Variants in PIGG observed in about 807,000 individuals in gnomAD.
PIGG encodes GPI ethanolamine phosphate transferase 2, catalytic subunit.
In PIGG, 70 loss-of-function variants were observed where a neutral mutation model predicts 83.2. The observed-to-expected ratio is 0.84, with a 90% CI of 0.69 to 1.03. The LOEUF is 1.03. Among genes scored for constraint, PIGG ranks in the 50% least tolerant of loss-of-function variants. The pLI, the probability that PIGG is intolerant of heterozygous loss-of-function variation, is 0.00. For missense variants in PIGG, 1,257 were observed against 1,233.6 expected (o/e 1.02, Z -0.28); for synonymous variants, 532 against 519.5 (o/e 1.02, Z -0.33).
rs768580192 is a variant in PIGG, at chr4:530,391, T to C, written c.2262-45T>C. On this transcript the variant is annotated intron_variant, in intron 10 of 12. Coordinates refer to ENST00000453061, the MANE Select transcript of PIGG (RefSeq NM_001127178.3). Reference sequence around the variant, plus strand: ...TTCATGGGAAAATGTTTTTGAATTTTTCTCACTGGTGCTAATGAATCTAAC... The same window carrying C: ...TTCATGGGAAAATGTTTTTGAATTTCTCTCACTGGTGCTAATGAATCTAAC... 1.0e-5 allele frequency: 14 copies of C among 1,354,732 alleles called. No individual in the cohort carries two copies. The South Asian group carries it at 1.6e-4, about 16-fold the overall frequency. 83.9% of individuals were successfully genotyped at this position (1,354,732 alleles called of 1,614,324 possible).
chr4:536,694 G>C (rs144642415), intron 12 of PIGG: 6 of 152,296 alleles, frequency 3.9e-5, no homozygotes, highest in Non-Finnish European at 7.3e-5. Flanking sequence ...GTCCTCGGCC[G>C]TCTGGGGTGG....
At chr4:517,137 C>T (rs149680192) in intron 6 of PIGG, among the ~76,000 whole-genome samples, 3 of 152,270 alleles carry the variant, frequency 2.0e-5, no homozygotes, top group Admixed American at 2.0e-4. Context: ...TGGGGAGCTG[C>T]TGCAGGGTTT....
intron 1 of PIGG, 137 bp downstream of exon 1, chr4:499,626 T>A: frequency 7.0e-7 from 1 of 1,419,704 alleles, no homozygotes; most frequent in Non-Finnish European, 9.2e-7. Flanking sequence ...CCTCAGAAAT[T>A]TTTTTTAACC....
intron 2 of PIGG, among the ~76,000 whole-genome samples, chr4:503,207 C>T (rs1718370244): frequency 6.6e-6 from 1 of 152,140 alleles, no homozygotes; most frequent in Non-Finnish European, 1.5e-5. Context: ...TCTCCACTGC[C>T]ACCACCGTCG....
chr4:524,124 A>G (rs1726897317), intron 9 of PIGG, among the ~76,000 whole-genome samples: 1 of 152,252 alleles, frequency 6.6e-6, no homozygotes, highest in Non-Finnish European at 1.5e-5. Context: ...GGCTAGCCTA[A>G]CAGGTTTCAT....
At chr4:533,614 G>C in intron 11 of PIGG, 1 of 593,076 alleles carries the variant, frequency 1.7e-6, no homozygotes, top group Non-Finnish European at 3.0e-6. Context: ...TGCAGGCAGG[G>C]GGAGGGGGTG....
At chr4:509,231 T>C (rs552987665) in intron 5 of PIGG, among the ~76,000 whole-genome samples, 4 of 152,244 alleles carry the variant, frequency 2.6e-5, no homozygotes, top group East Asian at 3.9e-4. Flanking sequence ...TTGAGAAAAA[T>C]TGCCAGTAGC....
At chr4:505,496 G>A (rs1553878292) in intron 2 of PIGG, among the ~76,000 whole-genome samples, 1 of 149,368 alleles carries the variant, frequency 6.7e-6, no homozygotes, top group African/African-American at 2.5e-5. Flanking sequence ...AGCTGGGTGT[G>A]GTGCCACACA....
intron 5 of PIGG, among the ~76,000 whole-genome samples, 184 bp downstream of exon 5, chr4:509,154 T>G (rs1186253033): frequency 6.6e-6 from 1 of 152,204 alleles, no homozygotes; most frequent in African/African-American, 2.4e-5. Context: ...TCCCGAATCC[T>G]TAAAATACAG....
At chr4:517,332 G>C (rs747466494) in intron 6 of PIGG, among the ~76,000 whole-genome samples, 7 of 152,172 alleles carry the variant, frequency 4.6e-5, no homozygotes, top group Non-Finnish European at 8.8e-5. Context: ...GAAAGATTCT[G>C]AAGGTCATGA....
At chr4:510,179 A>T (rs920589199) in intron 5 of PIGG, among the ~76,000 whole-genome samples, 9 of 152,224 alleles carry the variant, frequency 5.9e-5, no homozygotes, top group African/African-American at 2.2e-4. Flanking sequence ...CTGAAGAGAG[A>T]TTTAGCCACG....
intron 12 of PIGG, 102 bp downstream of exon 12, chr4:534,083 CCAACAGTCTTTT>C: frequency 1.1e-6 from 1 of 951,330 alleles, no homozygotes; most frequent in South Asian, 1.5e-5. Context: ...CTCCATGGGT[CCAACAGTCTTTT>C]CAACAGTTTT....
At chr4:530,936 A>G (rs1728907181) in intron 11 of PIGG, 191 bp downstream of exon 11, 2 of 572,048 alleles carry the variant, frequency 3.5e-6, no homozygotes, top group Non-Finnish European at 6.1e-6. Context: ...CCAGGTGTGG[A>G]TGTGTGGGTG....
At position 522,693 on chromosome 4, in the gene PIGG, GCA is replaced by G. The variant is rs548765359; in HGVS notation, c.1614+755_1614+756del. The G allele has an allele frequency of 4.9e-4, 76 of 155,344 alleles. 1 individual carries two copies. Among genetic ancestry groups the G allele is most frequent in the African/African-American group, 1.8e-3 (76 of 41,550 alleles). 9.6% of individuals were successfully genotyped at this position (155,344 alleles called of 1,614,324 possible). A position where few individuals can be genotyped will look rare whatever the true frequency, so the allele number is the denominator to read the frequency against. On this transcript the variant is annotated intron_variant, in intron 8 of 12. Transcript: ENST00000453061. ...AGACACTCACAGCTTTGTCATCAGG[GCA>G]CAGGCTTCCTCGGAGCCAGGATGAT...
intron 2 of PIGG, among the ~76,000 whole-genome samples, chr4:505,137 G>T (rs530919317): frequency 6.6e-6 from 1 of 152,244 alleles, no homozygotes; most frequent in East Asian, 1.9e-4. Flanking sequence ...TTTGCCGTTT[G>T]CTTCAGCTAC....
At chr4:507,375 G>A in intron 3 of PIGG, 30 bp from the exon 4 acceptor site, 1 of 1,544,446 alleles carries the variant, frequency 6.5e-7, no homozygotes, top group Non-Finnish European at 8.8e-7. Context: ...AATTAGGTGA[G>A]TTGTTTATAC....
At chr4:509,850 CTCTAAGTGTCCCCATTCA>C (rs1488788299) in intron 5 of PIGG, among the ~76,000 whole-genome samples, 1 of 152,216 alleles carries the variant, frequency 6.6e-6, no homozygotes, top group Non-Finnish European at 1.5e-5. Context: ...AGATTGATCT[CTCTAAGTGTCCCCATTCA>C]TCATTCTTGG....
chr4:534,004 G>T, intron 12 of PIGG, 23 bp downstream of exon 12: 1 of 1,610,962 alleles, frequency 6.2e-7, no homozygotes, highest in Non-Finnish European at 8.5e-7. Context: ...TCTGCCGTCA[G>T]CACAGTTCTG....
Position 521,169 on chromosome 4 carries a change from A to G in PIGG, c.1228A>G (p.Arg410Gly), listed in dbSNP as rs756834172. The change falls in exon 7 of 13, where the codon AGG becomes GGG. Residue 410 changes from arginine to glycine, a missense_variant. By Grantham distance (125) the Arg-to-Gly change is moderately radical. Coordinates refer to ENST00000453061, the MANE Select transcript of PIGG (RefSeq NM_001127178.3). The stretch of plus-strand genomic sequence containing the variant: ...ATTCAACCTGGGCTCCAAGGTTCTC[A>G]GGCAGTACCTGGATGCTCTGAAGAC... ...VLFNLGSKVL[R>G]QYLDALKTLS... 1.2e-6 allele frequency: 2 copies of G among 1,612,652 alleles called. No individual in the cohort carries two copies. Among genetic ancestry groups the G allele is most frequent in the Admixed American group, 3.3e-5 (2 of 60,022 alleles).
Sources: allele counts gnomAD v4.1 joint callset (sites outside exome capture counted in the v4.1 genomes callset), GRCh38; gene constraint gnomAD v4.1.1; transcripts MANE v1.5; gene names NCBI Gene and HGNC (gene_info 2026-07-23, HGNC 2026-07-21).